BCKDHB: variants seen among roughly 807,000 people sequenced by gnomAD.
BCKDHB encodes 2-oxoisovalerate dehydrogenase subunit beta, mitochondrial.
Under a neutral mutation model 48.5 loss-of-function variants are expected in BCKDHB, and 41 were observed. The ratio of observed to expected loss-of-function variants is 0.85; its 90% CI spans 0.66 to 1.10. BCKDHB has a LOEUF of 1.10. BCKDHB is among the 50% of genes least tolerant of loss of function. The pLI is 0.00. For missense variants in BCKDHB, 496 were observed against 494.2 expected (o/e 1.00, Z -0.03); for synonymous variants, 201 against 174.8 (o/e 1.15, Z -1.18).
intron 8 of BCKDHB, among the ~76,000 whole-genome samples, chr6:80,248,045 A>T (rs1173113618): frequency 6.6e-6 from 1 of 152,074 alleles, no homozygotes; most frequent in African/African-American, 2.4e-5. Flanking sequence ...TCAAACTTCA[A>T]CTCTATTTGA....
At chr6:80,307,985 G>T (rs190392149) in intron 9 of BCKDHB, 1 of 904,500 alleles carries the variant, frequency 1.1e-6, no homozygotes, top group South Asian at 5.1e-5. Context: ...ATACTGCAAA[G>T]AATTCTACAA....
intron 1 of BCKDHB, among the ~76,000 whole-genome samples, chr6:80,125,812 A>G (rs1770313552): frequency 6.6e-6 from 1 of 152,208 alleles, no homozygotes; most frequent in Admixed American, 6.5e-5. Flanking sequence ...AACCTCAAAG[A>G]TCATTGATCA....
At chr6:80,295,019 C>T (rs751286147) in intron 9 of BCKDHB, among the ~76,000 whole-genome samples, 2 of 152,138 alleles carry the variant, frequency 1.3e-5, no homozygotes, top group Admixed American at 6.5e-5. Flanking sequence ...CTTAATAAAA[C>T]ACTTGCTGGT....
the BCKDHB span, among the ~76,000 whole-genome samples, chr6:80,418,916 C>T: frequency 2.0e-5 from 3 of 152,228 alleles, no homozygotes; most frequent in East Asian, 3.9e-4. Flanking sequence ...TTCCTGGAGG[C>T]GATGTTGGCT....
chr6:80,452,386 T>G, the BCKDHB span, among the ~76,000 whole-genome samples: 1 of 152,262 alleles, frequency 6.6e-6, no homozygotes, highest in Middle Eastern at 3.4e-3. Context: ...TCTGGTAACC[T>G]TCATAACAGA....
intron 8 of BCKDHB, among the ~76,000 whole-genome samples, chr6:80,231,721 C>G (rs904285223): frequency 6.6e-6 from 1 of 152,186 alleles, no homozygotes; most frequent in Non-Finnish European, 1.5e-5. Flanking sequence ...AATCCCAACA[C>G]TTTGGGAGGC....
rs537102222 is a variant in BCKDHB, at chr6:80,155,376, A to C, written c.344-12302A>C. ...ATATTTTAGCATTTGTGACTTGAGT[A>C]GTTTGCAAGAGACAATGTAGGAAAT... On this transcript the variant is annotated intron_variant, in intron 3 of 9. Coordinates refer to ENST00000320393, the MANE Select transcript of BCKDHB (RefSeq NM_183050.4). 3.3e-5 allele frequency among the ~76,000 whole-genome samples: 5 copies of C among 152,282 alleles called. No individual in the cohort carries two copies. In the East Asian group the frequency reaches 9.7e-4, roughly 29 times the overall value.
chr6:80,164,303 C>T (rs567395008), intron 3 of BCKDHB, among the ~76,000 whole-genome samples: 2 of 152,032 alleles, frequency 1.3e-5, no homozygotes, highest in South Asian at 4.2e-4. Context: ...ATATATTAAA[C>T]ATTTTCTTAC....
chr6:80,110,214 C>T (rs527680207), intron 1 of BCKDHB, among the ~76,000 whole-genome samples: 101 of 152,250 alleles, frequency 6.6e-4, no homozygotes, highest in African/African-American at 2.3e-3. Context: ...GCCCCTGATT[C>T]TTGGGCATTG....
chr6:80,374,103 A>C, the BCKDHB span: 1 of 702,980 alleles, frequency 1.4e-6, no homozygotes, highest in Non-Finnish European at 2.6e-6. Flanking sequence ...TTTAGGAGCA[A>C]TCTGTTCCTT....
intron 9 of BCKDHB, among the ~76,000 whole-genome samples, chr6:80,315,137 C>T (rs1768373988): frequency 1.3e-5 from 2 of 152,166 alleles, no homozygotes; most frequent in African/African-American, 4.8e-5. Context: ...GATTTAGCCG[C>T]CTTCCTAGGG....
At chr6:80,249,227 A>G (rs1311438309) in intron 8 of BCKDHB, among the ~76,000 whole-genome samples, 1 of 151,950 alleles carries the variant, frequency 6.6e-6, no homozygotes, top group African/African-American at 2.4e-5. Context: ...GCATTGCTAA[A>G]TGTTCCTTGG....
chr6:80,254,551 AT>A (rs1295479858), intron 8 of BCKDHB, among the ~76,000 whole-genome samples: 1 of 152,148 alleles, frequency 6.6e-6, no homozygotes, highest in Non-Finnish European at 1.5e-5. Context: ...AAATAAAAAA[AT>A]TAACCAGGTT....
chr6:80,127,238 G>A (rs1263039041), intron 1 of BCKDHB: 8 of 338,420 alleles, frequency 2.4e-5, no homozygotes, highest in African/African-American at 1.7e-4. Flanking sequence ...TCACTTTGAC[G>A]GGTCTCCCTT....
chr6:80,319,258 C>G (rs997581626), intron 9 of BCKDHB, among the ~76,000 whole-genome samples: 1 of 152,166 alleles, frequency 6.6e-6, no homozygotes, highest in African/African-American at 2.4e-5. Context: ...AGAATACTGG[C>G]TGACTCTTTA....
chr6:80,437,696 TG>T, the BCKDHB span, among the ~76,000 whole-genome samples: 15 of 152,234 alleles, frequency 9.9e-5, no homozygotes, highest in African/African-American at 3.6e-4. Context: ...TTGATGCTCA[TG>T]GTTTTCAGAT....
chr6:80,246,877 A>G (rs1776640960), intron 8 of BCKDHB, among the ~76,000 whole-genome samples: 1 of 151,766 alleles, frequency 6.6e-6, no homozygotes, highest in African/African-American at 2.4e-5. Flanking sequence ...AAACTCACAC[A>G]TTCCCCCACC....
At chr6:80,455,413 A>C in the BCKDHB span, among the ~76,000 whole-genome samples, 1 of 151,728 alleles carries the variant, frequency 6.6e-6, no homozygotes, top group African/African-American at 2.4e-5. Flanking sequence ...ACTTTACCTT[A>C]TCTCAGCTTT....
chr6:80,138,695 G>T (rs1771025498), intron 3 of BCKDHB, among the ~76,000 whole-genome samples: 1 of 152,094 alleles, frequency 6.6e-6, no homozygotes, highest in African/African-American at 2.4e-5. Flanking sequence ...GTCTATCATT[G>T]TTGGACATTT....
Sources: allele counts gnomAD v4.1 joint callset (sites outside exome capture counted in the v4.1 genomes callset), GRCh38; gene constraint gnomAD v4.1.1; transcripts MANE v1.5; gene names NCBI Gene and HGNC (gene_info 2026-07-23, HGNC 2026-07-21).